Variants in RIOK3 observed in about 807,000 individuals in gnomAD.
RIOK3 encodes the protein RIO kinase 3, also known as serine/threonine-protein kinase RIO3.
Under a neutral mutation model 63.5 loss-of-function variants are expected in RIOK3, and 40 were observed. The ratio of observed to expected loss-of-function variants is 0.63; its 90% CI spans 0.49 to 0.82. The LOEUF (loss-of-function observed/expected upper bound fraction) is 0.82. RIOK3 is among the 40% of genes least tolerant of loss of function. The pLI is 0.00. For synonymous variants in RIOK3, 193 were observed against 205.0 expected, an observed-to-expected ratio of 0.94 and a Z score of 0.50; for missense variants, 557 against 637.0, an observed-to-expected ratio of 0.87 and a Z score of 1.35.
chr18:23,463,862 C>T (rs1364286231), intron 2 of RIOK3, 105 bp from the exon 3 acceptor site: 3 of 949,744 alleles, frequency 3.2e-6, no homozygotes, highest in South Asian at 3.3e-5. Context: ...AGTTCTTTCC[C>T]ATTGTTCAAT....
Position 23,467,546 on chromosome 18 carries a change from T to G in RIOK3, c.815+20T>G. On this transcript the variant is annotated intron_variant, in intron 7 of 12. Transcript: ENST00000339486. ...AGGGAGGTAAATGAGCAAAATATGATACCATGATATGAAAACTTAGTCTCT... is the reference window on the plus strand; with the variant it reads ...AGGGAGGTAAATGAGCAAAATATGAGACCATGATATGAAAACTTAGTCTCT... The G allele has an allele frequency of 6.2e-7, 1 of 1,606,758 alleles. No homozygotes were observed. The highest frequency in any genetic ancestry group is 8.5e-7 in the Non-Finnish European group (1 of 1,175,108).
intron 1 of RIOK3, among the ~76,000 whole-genome samples, chr18:23,455,819 GA>G (rs1478677453): frequency 6.6e-6 from 1 of 151,354 alleles, no homozygotes; most frequent in Non-Finnish European, 1.5e-5. Flanking sequence ...TTTTTTTTGA[GA>G]CGGAGCCTCG....
intron 7 of RIOK3, among the ~76,000 whole-genome samples, chr18:23,471,678 T>C (rs1271691440): frequency 6.6e-6 from 1 of 151,974 alleles, no homozygotes; most frequent in Non-Finnish European, 1.5e-5. Context: ...AGAGCGTTGG[T>C]GTGTGTTTTG....
At chr18:23,457,557 A>G (rs1365613124) in intron 1 of RIOK3, among the ~76,000 whole-genome samples, 1 of 152,248 alleles carries the variant, frequency 6.6e-6, no homozygotes, top group Non-Finnish European at 1.5e-5. Flanking sequence ...TGACAAACGT[A>G]TAATACTAAT....
At chr18:23,471,458 T>G (rs1347219921) in intron 7 of RIOK3, among the ~76,000 whole-genome samples, 1 of 152,080 alleles carries the variant, frequency 6.6e-6, no homozygotes, top group Non-Finnish European at 1.5e-5. Flanking sequence ...CAGGTAGGAT[T>G]TTGTAGGCCA....
At chr18:23,455,639 C>T (rs1172062293) in intron 1 of RIOK3, among the ~76,000 whole-genome samples, 1 of 151,648 alleles carries the variant, frequency 6.6e-6, no homozygotes, top group Admixed American at 6.6e-5. Context: ...GATCCGCCCA[C>T]CTTGGCCTCT....
At position 23,464,006 on chromosome 18, in the gene RIOK3, T is replaced by C. The variant is rs754244457; in HGVS notation, c.219T>C (p.Asp73=). 1.2e-6 allele frequency: 2 copies of C among 1,612,874 alleles called. No homozygotes were observed. The highest frequency in any genetic ancestry group is 4.5e-5 in the East Asian group (2 of 44,864). ...EGPFITGENI[D]TSSDLMLAQM... ...CATTTATTACTGGAGAAAACATTGA[T>C]ACTTCCAGTGACCTTATGCTGGCTC... Residue 73 remains aspartate, a synonymous_variant, in exon 3 of 13, where the codon GAT becomes GAC. Transcript: ENST00000339486.
intron 1 of RIOK3, among the ~76,000 whole-genome samples, chr18:23,456,632 G>A (rs1357502807): frequency 6.6e-6 from 1 of 151,984 alleles, no homozygotes. Flanking sequence ...GCCTCAAGCA[G>A]TCTTCCCACC....
chr18:23,473,583 A>T lies in RIOK3; in HGVS notation c.970A>T (p.Ile324Phe). 6.2e-7 allele frequency: 1 copy of T among 1,613,792 alleles called. No homozygotes were observed. Among genetic ancestry groups the T allele is most frequent in the East Asian group, 2.2e-5 (1 of 44,810 alleles). ...CTTCAGTAAACTAAATCCACGTAAG[A>T]TCATCCGCATGTGGGCAGAAAAAGA... ...DRFSKLNPRK[I>F]IRMWAEKEMH... The change falls in exon 8 of 13, where the codon ATC (isoleucine) becomes TTC (phenylalanine). Residue 324 changes from isoleucine (I) to phenylalanine (F), a missense_variant. Transcript: ENST00000339486.
At chr18:23,477,300 T>A in intron 11 of RIOK3, 32 bp downstream of exon 11, 1 of 1,524,046 alleles carries the variant, frequency 6.6e-7, no homozygotes, top group Non-Finnish European at 9.1e-7. Context: ...CCTTTTTTTG[T>A]TGGATGTAAC....
At chr18:23,471,237 G>A (rs1041893263) in intron 7 of RIOK3, among the ~76,000 whole-genome samples, 7 of 152,214 alleles carry the variant, frequency 4.6e-5, no homozygotes, top group South Asian at 2.1e-4. Flanking sequence ...GACAGGGAAC[G>A]CTTCTCCAAT....
At chr18:23,479,612 T>G (rs1487921116) in intron 12 of RIOK3, among the ~76,000 whole-genome samples, 188 bp downstream of exon 12, 1 of 152,082 alleles carries the variant, frequency 6.6e-6, no homozygotes, top group Non-Finnish European at 1.5e-5. Flanking sequence ...AGTCTTGGTT[T>G]GTCACTCAGG....
At chr18:23,468,041 G>A (rs1455414033) in intron 7 of RIOK3, among the ~76,000 whole-genome samples, 1 of 152,134 alleles carries the variant, frequency 6.6e-6, no homozygotes, top group African/African-American at 2.4e-5. Flanking sequence ...GCCTCCCAAA[G>A]TGCTGGGATT....
chr18:23,476,046 C>A (rs1450421207), intron 9 of RIOK3, among the ~76,000 whole-genome samples: 1 of 149,858 alleles, frequency 6.7e-6, no homozygotes, highest in African/African-American at 2.5e-5. Context: ...CTCAGCATCC[C>A]AAAGTGCTGG....
chr18:23,453,308 C>T lies in RIOK3; in HGVS notation c.-132C>T, dbSNP rs1316361515. The T allele has an allele frequency of 4.0e-6, 3 of 751,456 alleles. No individual in the cohort carries two copies. Among genetic ancestry groups the T allele is most frequent in the Non-Finnish European group, 7.0e-6 (3 of 429,926 alleles). The allele number at this position is 751,456 out of a possible 1,614,324, so 46.5% of individuals were successfully genotyped here. On this transcript the variant is annotated 5_prime_UTR_variant, in exon 1 of 13. Coordinates refer to ENST00000339486, the MANE Select transcript of RIOK3 (RefSeq NM_003831.5). ...ATCCAGTTCCGGACGCGGCCGCCGCCGTCGCCGCCATCTGTCACCTCCACT... is the reference window on the plus strand; with the variant it reads ...ATCCAGTTCCGGACGCGGCCGCCGCTGTCGCCGCCATCTGTCACCTCCACT...
rs978530326 is a variant in RIOK3 at position 23,481,418 on chromosome 18, T to C, written c.*139T>C. 3 of 549,892 alleles carry C rather than the reference T, an allele frequency of 5.5e-6. No individual in the cohort carries two copies. The Admixed American group carries it at 1.1e-4, about 20-fold the overall frequency. 34.1% of individuals were successfully genotyped at this position (549,892 alleles called of 1,614,324 possible). A position where few individuals can be genotyped will look rare whatever the true frequency, so the allele number is the denominator to read the frequency against. ...CTGTGCTTTTCCCCCTTGTAACCCA[T>C]GTGCCAGATGTGTGGAATTTTTAGC... On this transcript the variant is annotated 3_prime_UTR_variant, in exon 13 of 13. Transcript: ENST00000339486.
intron 3 of RIOK3, 24 bp from the exon 4 acceptor site, chr18:23,464,182 C>G (rs1225896196): frequency 6.2e-7 from 1 of 1,609,662 alleles, no homozygotes; most frequent in African/African-American, 1.3e-5. Context: ...CTAAGTAAAT[C>G]TTCAACTATT....
At chr18:23,473,143 A>T (rs945114403) in intron 7 of RIOK3, among the ~76,000 whole-genome samples, 2 of 152,168 alleles carry the variant, frequency 1.3e-5, no homozygotes, top group African/African-American at 2.4e-5. Context: ...TCAAGTGCAT[A>T]TGTCTTCATT....
At chr18:23,478,684 G>T (rs1186266053) in intron 11 of RIOK3, among the ~76,000 whole-genome samples, 3 of 147,266 alleles carry the variant, frequency 2.0e-5, no homozygotes, top group Non-Finnish European at 3.0e-5. Flanking sequence ...GCACAGGGTT[G>T]GGTCACACTT....
Sources: gnomAD v4.1 joint callset for allele counts (sites outside exome capture counted in the v4.1 genomes callset) on GRCh38, gnomAD v4.1.1 for gene constraint, MANE v1.5 for transcripts, NCBI Gene and HGNC (gene_info 2026-07-23, HGNC 2026-07-21) for gene names.